The following IPO5 variants were observed in gnomAD, a reference collection of about 807,000 sequenced individuals.
The protein encoded by IPO5 is importin-5.
IPO5 carries 18 observed loss-of-function variants against 143.3 expected under a neutral mutation model. That is an observed-to-expected ratio of 0.13 (90% confidence interval 0.09 to 0.19). The LOEUF (loss-of-function observed/expected upper bound fraction) is 0.19, where lower values mean the gene tolerates loss of function less well. IPO5 is among the 10% of genes least tolerant of loss of function. The pLI is 1.00. For missense variants in IPO5, 1,013 were observed against 1,336.9 expected (o/e 0.76, Z 3.78); for synonymous variants, 477 against 465.7 (o/e 1.02, Z -0.31).
intron 1 of IPO5, 74 bp downstream of exon 1, chr13:97,953,790 G>C (rs1180172280): frequency 2.6e-6 from 1 of 388,652 alleles, no homozygotes; most frequent in Non-Finnish European, 5.1e-6. Context: ...ACAATTTAGC[G>C]TGATACTGGA....
At chr13:97,961,229 G>A (rs1884856623) in intron 2 of IPO5, among the ~76,000 whole-genome samples, 1 of 152,202 alleles carries the variant, frequency 6.6e-6, no homozygotes, top group Non-Finnish European at 1.5e-5. Context: ...TTCACCAGTG[G>A]ATGGACAGTT....
chr13:98,014,218 A>G lies in IPO5; in HGVS notation c.2325+4A>G. 1 of 1,592,712 alleles carries G rather than the reference A, an allele frequency of 6.3e-7. No homozygotes were observed. Among genetic ancestry groups the G allele is most frequent in the Non-Finnish European group, 8.6e-7 (1 of 1,165,118 alleles). On this transcript the variant is annotated splice_donor_region_variant and intron_variant, in intron 22 of 28. Coordinates refer to ENST00000651721, the MANE Select transcript of IPO5 (RefSeq NM_002271.6). ...AATAATGCATTCTTTTGCAAAGGTG[A>G]ATATTTTTCTCTTAAAAAATATGTA...
At chr13:98,000,722 C>A in intron 13 of IPO5, 77 bp downstream of exon 13, 1 of 918,940 alleles carries the variant, frequency 1.1e-6, no homozygotes, top group Non-Finnish European at 1.8e-6. Context: ...TATGTTTAGA[C>A]TGTTAAAAAT....
chr13:98,017,734 A>G (rs1211217074), intron 25 of IPO5, among the ~76,000 whole-genome samples: 2 of 152,340 alleles, frequency 1.3e-5, no homozygotes, highest in Middle Eastern at 3.4e-3. Context: ...TAGTAGATAC[A>G]TGTGTTTCTG....
At chr13:97,992,787 T>C in intron 9 of IPO5, 105 bp from the exon 10 acceptor site, 1 of 1,184,726 alleles carries the variant, frequency 8.4e-7, no homozygotes, top group East Asian at 2.4e-5. Flanking sequence ...TAGTGAAAAA[T>C]AGTTTAGTAA....
rs73556541 is a variant in IPO5, at chr13:97,992,942, C to T, written c.720C>T (p.Leu240=). 566 of 1,613,700 alleles carry T rather than the reference C, an allele frequency of 3.5e-4. 3 individuals are homozygous for T. The African/African-American group carries it at 6.3e-3, about 18-fold the overall frequency. The change falls in exon 10 of 29, where the codon CTC becomes CTT. Residue 240 remains leucine (L), a synonymous_variant. Coordinates refer to ENST00000651721, the MANE Select transcript of IPO5 (RefSeq NM_002271.6). ...YQNDDSVLKS[L]VEIADTVPKY... ...ATGATGATTCTGTCCTAAAATCCCTCGTTGAGATTGCAGATACTGTTCCAA... is the reference window on the plus strand; with the variant it reads ...ATGATGATTCTGTCCTAAAATCCCTTGTTGAGATTGCAGATACTGTTCCAA...
At chr13:97,986,907 A>C (rs557996180) in intron 6 of IPO5, 15 of 152,338 alleles carry the variant, frequency 9.8e-5, no homozygotes, top group African/African-American at 3.6e-4. Flanking sequence ...AGAAGCTCTG[A>C]TACATTGAGG....
chr13:97,990,054 A>C, intron 7 of IPO5, 72 bp from the exon 8 acceptor site: 3 of 892,922 alleles, frequency 3.4e-6, no homozygotes, highest in Non-Finnish European at 5.5e-6. Context: ...AGTTCATTAG[A>C]GATTCTAGCT....
Position 97,992,754 on chromosome 13 carries a change from A to G in IPO5, c.670-138A>G, listed in dbSNP as rs1158013937. The G allele has an allele frequency of 1.1e-5, 10 of 871,752 alleles. No homozygotes were observed. In the East Asian group the frequency reaches 2.1e-4, roughly 18 times the overall value. The allele number at this position is 871,752 out of a possible 1,614,324, so 54.0% of individuals were successfully genotyped here. ...ATGTGCCTGCAGGTAGAACATTTGC[A>G]TAATATAGATTGCTAAATTATTTAG... On this transcript the variant is annotated intron_variant, in intron 9 of 28. Transcript: ENST00000651721.
intron 3 of IPO5, chr13:97,975,930 G>T: frequency 1.0e-6 from 1 of 985,668 alleles, no homozygotes; most frequent in Non-Finnish European, 1.2e-6. Context: ...CGGGAGGAAG[G>T]GGCGCCCTGA....
At chr13:97,979,409 T>C (rs193099300) in intron 4 of IPO5, among the ~76,000 whole-genome samples, 1 of 152,348 alleles carries the variant, frequency 6.6e-6, no homozygotes, top group Non-Finnish European at 1.5e-5. Context: ...TTATAGTTTA[T>C]TTCTATTTTT....
chr13:97,976,005 G>A (rs1239501855), intron 3 of IPO5: 14 of 976,152 alleles, frequency 1.4e-5, no homozygotes, highest in Non-Finnish European at 1.5e-5. Flanking sequence ...AAGGTACGTA[G>A]GAAGTGGGTC....
In IPO5 at chr13:98,021,077, A is replaced by T; in HGVS notation, c.3151A>T (p.Ile1051Phe). ...TGCGGAAGGAGAAATGCACGAGGCA[A>T]TTAAACATGAAGATCCTTGTGCCAA... ...IIAEGEMHEA[I>F]KHEDPCAKRL... is the part of the protein sequence containing the mutation. Residue 1051 changes from isoleucine (I) to phenylalanine (F), a missense_variant, in exon 28 of 29, where the codon ATT becomes TTT. Ile to Phe is a conservative substitution (Grantham distance 21). This residue lies in a region of IPO5 where 685 missense variants were observed against 994.9 expected (regional missense o/e 0.69). Transcript: ENST00000651721. 2.5e-6 allele frequency: 4 copies of T among 1,611,842 alleles called. No homozygotes were observed. Among genetic ancestry groups the T allele is most frequent in the African/African-American group, 2.7e-5 (2 of 74,820 alleles).
intron 16 of IPO5, among the ~76,000 whole-genome samples, chr13:98,003,770 C>T (rs1191506394): frequency 6.6e-6 from 1 of 151,882 alleles, no homozygotes; most frequent in Non-Finnish European, 1.5e-5. Context: ...TCACTTGAAC[C>T]CGGGAGGCAG....
intron 25 of IPO5, among the ~76,000 whole-genome samples, 159 bp from the exon 26 acceptor site, chr13:98,018,326 T>A (rs1890257127): frequency 6.6e-6 from 1 of 152,232 alleles, no homozygotes; most frequent in African/African-American, 2.4e-5. Flanking sequence ...TGTATTTGAT[T>A]GAATATCGTT....
chr13:98,014,048 G>A lies in IPO5; in HGVS notation c.2159G>A (p.Arg720Gln), dbSNP rs2041933567. 3.1e-6 allele frequency: 5 copies of A among 1,607,150 alleles called. No homozygotes were observed. Among genetic ancestry groups the A allele is most frequent in the African/African-American group, 1.3e-5 (1 of 74,544 alleles). Residue 720 changes from arginine (R) to glutamine (Q), a missense_variant, in exon 22 of 29, where the codon CGA (arginine) becomes CAA (glutamine). Physicochemically the swap from Arg to Gln is conservative, Grantham distance 43. Around this residue, in one of 2 missense-constraint regions of IPO5, gnomAD observed 685 missense variants for 994.9 expected, o/e 0.69. Transcript: ENST00000651721. ...GGTTCCTTAACAATGAAACGTGTTC[G>A]AGTGGCAGCAGCGGAATCCATGCCT... is the stretch of plus-strand genomic sequence containing the variant. ...LLKFYFHDGV[R>Q]VAAAESMPLL...
chr13:97,961,113 T>G (rs1029526934), intron 2 of IPO5, among the ~76,000 whole-genome samples: 1 of 152,216 alleles, frequency 6.6e-6, no homozygotes, highest in African/African-American at 2.4e-5. Flanking sequence ...CTTCAGGCAG[T>G]CTAATGAGTT....
At chr13:98,012,455 C>T (rs1889787627) in intron 21 of IPO5, 113 bp downstream of exon 21, 10 of 717,100 alleles carry the variant, frequency 1.4e-5, no homozygotes. Flanking sequence ...TTTGTATTTG[C>T]ACTAAGTGTA....
intron 3 of IPO5, among the ~76,000 whole-genome samples, chr13:97,975,415 C>T (rs1289071136): frequency 6.6e-6 from 1 of 152,086 alleles, no homozygotes; most frequent in Non-Finnish European, 1.5e-5. Context: ...TGTTTGAACC[C>T]GGGAGGCAGA....
Sources: allele counts gnomAD v4.1 joint callset (sites outside exome capture counted in the v4.1 genomes callset), GRCh38; gene constraint gnomAD v4.1.1; regional missense constraint gnomAD v4.1.1; transcripts MANE v1.5; gene names NCBI Gene and HGNC (gene_info 2026-07-23, HGNC 2026-07-21).